The following PHACTR3 variants were observed in gnomAD, a reference collection of about 807,000 sequenced individuals.
The protein encoded by PHACTR3 is phosphatase and actin regulator 3, also known as protein phosphatase 1, regulatory subunit 123.
A neutral mutation model predicts 66.8 loss-of-function variants in PHACTR3; 16 were observed. The observed-to-expected ratio is 0.24, with a 90% CI of 0.16 to 0.36. The LOEUF (loss-of-function observed/expected upper bound fraction) is 0.36. Among genes scored for constraint, PHACTR3 ranks in the 10% least tolerant of loss-of-function variants. The pLI is 1.00. For missense variants in PHACTR3, 647 were observed against 719.9 expected (o/e 0.90, Z 1.16); for synonymous variants, 323 against 292.1 (o/e 1.11, Z -1.08).
At chr20:59,766,942 CAT>C (rs779767857) in intron 4 of PHACTR3, among the ~76,000 whole-genome samples, 7 of 152,120 alleles carry the variant, frequency 4.6e-5, no homozygotes, top group Non-Finnish European at 1.0e-4. Flanking sequence ...ATGGACCTCT[CAT>C]GTGGAAAAAA....
chr20:59,818,947 C>T (rs770490597), intron 8 of PHACTR3, among the ~76,000 whole-genome samples: 24 of 152,150 alleles, frequency 1.6e-4, no homozygotes, highest in Non-Finnish European at 4.4e-5. Context: ...TCCATAATCA[C>T]GAATTTGCCC....
intron 1 of PHACTR3, among the ~76,000 whole-genome samples, chr20:59,619,106 A>T (rs778678671): frequency 1.3e-5 from 2 of 152,110 alleles, no homozygotes; most frequent in Admixed American, 1.3e-4. Flanking sequence ...GAGAATTGCT[A>T]TATGAAGACC....
intron 7 of PHACTR3, among the ~76,000 whole-genome samples, chr20:59,786,907 A>G (rs2040935638): frequency 6.7e-6 from 1 of 150,052 alleles, no homozygotes; most frequent in Non-Finnish European, 1.5e-5. Flanking sequence ...GAAGTCCTCA[A>G]CAATGGTGAT....
rs565790793 is a variant in PHACTR3, at chr20:59,775,492, A to G, written c.1174+1002A>G. Among the ~76,000 whole-genome samples, 9 of 152,232 alleles carry G rather than the reference A, an allele frequency of 5.9e-5. No homozygotes were observed. In the East Asian group the frequency reaches 1.7e-3, roughly 29 times the overall value. On this transcript the variant is annotated intron_variant, in intron 7 of 12. Coordinates refer to ENST00000371015, the MANE Select transcript of PHACTR3 (RefSeq NM_080672.5). ...TGATGGGTGGATAGACCGGCAGCCC[A>G]GGGCTCCATAGCCTCCCGCTTCCTG...
chr20:59,653,765 A>T (rs958206315), intron 1 of PHACTR3, among the ~76,000 whole-genome samples: 3 of 152,204 alleles, frequency 2.0e-5, no homozygotes, highest in African/African-American at 7.2e-5. Context: ...CTGAAATCCT[A>T]AAATCTTACA....
chr20:59,635,764 G>A (rs1447598558), intron 1 of PHACTR3, among the ~76,000 whole-genome samples: 1 of 152,192 alleles, frequency 6.6e-6, no homozygotes. Flanking sequence ...TGCATGGGGT[G>A]TGCCCCCACT....
chr20:59,792,693 T>G (rs899510759), intron 7 of PHACTR3, among the ~76,000 whole-genome samples: 2 of 152,358 alleles, frequency 1.3e-5, no homozygotes, highest in African/African-American at 4.8e-5. Flanking sequence ...TTTCATATAC[T>G]TATCACCATA....
intron 8 of PHACTR3, among the ~76,000 whole-genome samples, chr20:59,807,680 A>T (rs574041179): frequency 6.6e-6 from 1 of 152,256 alleles, no homozygotes; most frequent in East Asian, 1.9e-4. Flanking sequence ...ATCGCCACAC[A>T]CGTTAGGAAC....
chr20:59,619,015 C>T (rs2034138408), intron 1 of PHACTR3, among the ~76,000 whole-genome samples: 1 of 152,298 alleles, frequency 6.6e-6, no homozygotes, highest in East Asian at 1.9e-4. Flanking sequence ...CTTTTCCTGG[C>T]ACAGTGGAGC....
At chr20:59,742,263 G>A (rs146484281) in intron 1 of PHACTR3, among the ~76,000 whole-genome samples, 1 of 152,272 alleles carries the variant, frequency 6.6e-6, no homozygotes, top group East Asian at 1.9e-4. Flanking sequence ...TCTGCACACA[G>A]GTGGTTGACA....
intron 1 of PHACTR3, among the ~76,000 whole-genome samples, chr20:59,662,037 A>G (rs575543989): frequency 6.6e-6 from 1 of 152,178 alleles, no homozygotes; most frequent in East Asian, 1.9e-4. Flanking sequence ...TAGAGACAGG[A>G]AACTTGTGCT....
At chr20:59,600,529 T>C (rs1302343287), upstream of PHACTR3, among the ~76,000 whole-genome samples, 2 of 152,132 alleles carry the variant, frequency 1.3e-5, no homozygotes, top group African/African-American at 4.8e-5. Flanking sequence ...TCCTCACCAC[T>C]CCCTAATGAG....
intron 5 of PHACTR3, among the ~76,000 whole-genome samples, chr20:59,770,777 C>G (rs1409274042): frequency 1.3e-5 from 2 of 152,208 alleles, no homozygotes; most frequent in African/African-American, 4.8e-5. Context: ...CTTTGCATTC[C>G]TGGGTTTCAC....
chr20:59,787,374 G>A (rs996799397), intron 7 of PHACTR3, among the ~76,000 whole-genome samples: 2 of 152,194 alleles, frequency 1.3e-5, no homozygotes, highest in African/African-American at 4.8e-5. Flanking sequence ...AGAGGTGGGA[G>A]GGTCTCACAG....
In PHACTR3 at chr20:59,672,486, G is replaced by A. The variant is rs1028688187; in HGVS notation, c.118+67354G>A. On this transcript the variant is annotated intron_variant, in intron 1 of 12. Transcript: ENST00000371015. ...GGGGAGGCCCTAGCCATGGGGGCTA[G>A]GATCTGGGCTGTGGAATCCACCTGT... is the stretch of plus-strand genomic sequence containing the variant. 1.9e-4 allele frequency among the ~76,000 whole-genome samples: 29 copies of A among 152,218 alleles called. 1 individual carries two copies. The highest frequency in any genetic ancestry group is 6.8e-4 in the African/African-American group (28 of 41,458).
At chr20:59,679,482 C>T (rs34163583) in intron 1 of PHACTR3, among the ~76,000 whole-genome samples, 4,308 of 152,262 alleles carry the variant, frequency 0.028, 80 homozygotes, top group Middle Eastern at 0.054. Flanking sequence ...ACATGGCAAA[C>T]ACAATAATAG....
chr20:59,803,622 T>G (rs191076582), intron 7 of PHACTR3, among the ~76,000 whole-genome samples: 98 of 152,330 alleles, frequency 6.4e-4, no homozygotes, highest in Non-Finnish European at 1.3e-3. Flanking sequence ...ATAGTGACTA[T>G]CTTTTGTCAT....
At chr20:59,677,879 TTTAA>T (rs11467640) in intron 1 of PHACTR3, among the ~76,000 whole-genome samples, 8,139 of 152,182 alleles carry the variant, frequency 0.053, 337 homozygotes, top group Admixed American at 0.12. Context: ...GAGTGTATTG[TTTAA>T]TTAAGGAGAG....
intron 8 of PHACTR3, among the ~76,000 whole-genome samples, chr20:59,808,967 C>G (rs947575279): frequency 6.6e-6 from 1 of 152,174 alleles, no homozygotes; most frequent in Non-Finnish European, 1.5e-5. Context: ...CCAAACGTGT[C>G]CCAGACACCG....
Sources: allele counts gnomAD v4.1 joint callset (sites outside exome capture counted in the v4.1 genomes callset), GRCh38; gene constraint gnomAD v4.1.1; transcripts MANE v1.5; gene names NCBI Gene and HGNC (gene_info 2026-07-23, HGNC 2026-07-21).